TTYH3: variants seen among roughly 807,000 people sequenced by gnomAD.
TTYH3 encodes the protein tweety family member 3, also known as protein tweety homolog 3.
In TTYH3, 23 loss-of-function variants were observed where a neutral mutation model predicts 68.2. The observed-to-expected ratio is 0.34, with a 90% CI of 0.24 to 0.48. The LOEUF is 0.48. Ranked by LOEUF, TTYH3 falls within the 20% of genes least tolerant of loss-of-function variation. The pLI is 0.99. For synonymous variants in TTYH3, 360 were observed against 332.8 expected (o/e 1.08, Z -0.89); for missense variants, 768 against 727.7 (o/e 1.06, Z -0.64).
chr7:2,656,234 C>T (rs752583685), intron 10 of TTYH3, 50 bp downstream of exon 10: 8 of 1,548,180 alleles, frequency 5.2e-6, no homozygotes, highest in Non-Finnish European at 7.0e-6. Flanking sequence ...AGGGTGGGAA[C>T]AGGGGAGCAG....
At chr7:2,653,928 G>A (rs1786261593) in intron 9 of TTYH3, among the ~76,000 whole-genome samples, 1 of 152,176 alleles carries the variant, frequency 6.6e-6, no homozygotes, top group Non-Finnish European at 1.5e-5. Flanking sequence ...AAATCTCTTT[G>A]GAGGTGTTTG....
In TTYH3 at chr7:2,650,578, CA is replaced by C. The variant is rs966628743; in HGVS notation, c.871+601del. Among the ~76,000 whole-genome samples, 67 of 143,402 alleles carry C rather than the reference CA, an allele frequency of 4.7e-4. 1 individual carries two copies. The highest frequency in any genetic ancestry group is 7.0e-3 in the Middle Eastern group (2 of 286). 94.1% of individuals were successfully genotyped at this position (143,402 alleles called of 152,430 possible). A position where few individuals can be genotyped will look rare whatever the true frequency, so the allele number is the denominator to read the frequency against. Reference sequence around the variant, plus strand: ...GGGCAACAAGAGTGAAACTCCATCTCAAAAAAAAAAAGTAGAGCCAGAAGGA... The same window carrying C: ...GGGCAACAAGAGTGAAACTCCATCTCAAAAAAAAAAGTAGAGCCAGAAGGA... On this transcript the variant is annotated intron_variant, in intron 7 of 13. Coordinates refer to ENST00000258796, the MANE Select transcript of TTYH3 (RefSeq NM_025250.3).
At chr7:2,650,066 C>T (rs751133252) in intron 7 of TTYH3, 78 bp downstream of exon 7, 22 of 1,458,098 alleles carry the variant, frequency 1.5e-5, no homozygotes, top group East Asian at 4.6e-5. Flanking sequence ...TAGCTGAGGC[C>T]GAGACACCCC....
chr7:2,659,909 C>T, intron 13 of TTYH3: 1 of 1,294,668 alleles, frequency 7.7e-7, no homozygotes, highest in Non-Finnish European at 1.0e-6. Context: ...CTCTCTCTCT[C>T]TTGCACCCCA....
chr7:2,664,753 G>C lies in TTYH3; in HGVS notation c.*3014G>C, dbSNP rs923995818. The C allele has an allele frequency of 1.3e-5, 2 of 152,164 alleles. No individual in the cohort carries two copies. Among genetic ancestry groups the C allele is most frequent in the African/African-American group, 4.8e-5 (2 of 41,372 alleles). The allele number at this position is 152,164 out of a possible 1,614,324, so 9.4% of individuals were successfully genotyped here. A position where few individuals can be genotyped will look rare whatever the true frequency, so the allele number is the denominator to read the frequency against. On this transcript the variant is annotated 3_prime_UTR_variant, in exon 14 of 14. Coordinates refer to ENST00000258796, the MANE Select transcript of TTYH3 (RefSeq NM_025250.3). ...AAATCTCGTCAATGTAATTTCTGTG[G>C]TTTCTATTCAGCTTGGGTTTCATGT...
At chr7:2,648,248 C>T (rs1052765903) in intron 5 of TTYH3, 194 bp downstream of exon 5, 2 of 579,146 alleles carry the variant, frequency 3.5e-6, no homozygotes, top group Non-Finnish European at 6.1e-6. Context: ...CTGTGGCCAG[C>T]ATCCCAGCAC....
Position 2,661,870 on chromosome 7 carries a change from G to T in TTYH3, c.*131G>T, listed in dbSNP as rs532585847. ...CCTGCCCCAGACGCGTCTGCAGGCCGCTTGCCCTCCTGTCCCCTCCCCGCA... is the reference window on the plus strand; with the variant it reads ...CCTGCCCCAGACGCGTCTGCAGGCCTCTTGCCCTCCTGTCCCCTCCCCGCA... On this transcript the variant is annotated 3_prime_UTR_variant, in exon 14 of 14. Coordinates refer to ENST00000258796, the MANE Select transcript of TTYH3 (RefSeq NM_025250.3). 6.5e-5 allele frequency: 65 copies of T among 1,007,234 alleles called. 1 individual carries two copies. In the South Asian group the frequency reaches 7.6e-4, roughly 12 times the overall value. The allele number at this position is 1,007,234 out of a possible 1,614,324, so 62.4% of individuals were successfully genotyped here.
In TTYH3 at chr7:2,660,155, C is replaced by T. The variant is rs1786456142; in HGVS notation, c.1500+1140C>T. ...CTGAGCTGGGGCTCCATCTGTCCGG[C>T]TCCTGTTGGCAGGGCCAGCTCTGAG... On this transcript the variant is annotated intron_variant, in intron 13 of 13. Transcript: ENST00000258796. The T allele has an allele frequency of 5.9e-6, 7 of 1,185,440 alleles. No homozygotes were observed. The South Asian group carries it at 1.1e-4, about 19-fold the overall frequency. The allele number at this position is 1,185,440 out of a possible 1,614,324, so 73.4% of individuals were successfully genotyped here.
intron 7 of TTYH3, among the ~76,000 whole-genome samples, chr7:2,651,262 C>G (rs538998257): frequency 2.0e-5 from 3 of 152,270 alleles, no homozygotes; most frequent in Non-Finnish European, 4.4e-5. Context: ...ACCATCCTGC[C>G]ACCCTTTGTC....
Position 2,649,734 on chromosome 7 carries a change from C to T in TTYH3, c.795+95C>T, listed in dbSNP as rs573866013. The T allele has an allele frequency of 4.2e-5, 63 of 1,504,552 alleles. 1 individual carries two copies. The South Asian group carries it at 4.7e-4, about 11-fold the overall frequency. 93.2% of individuals were successfully genotyped at this position (1,504,552 alleles called of 1,614,324 possible). A position where few individuals can be genotyped will look rare whatever the true frequency, so the allele number is the denominator to read the frequency against. ...ACACTCCTCTCCCCTCCCATCTTCC[C>T]GGGCACTGGGTCCCGAGAGCGGTGG... is the stretch of plus-strand genomic sequence containing the variant. On this transcript the variant is annotated intron_variant, in intron 6 of 13. Transcript: ENST00000258796.
chr7:2,642,445 G>C (rs1438679504), intron 1 of TTYH3, among the ~76,000 whole-genome samples: 1 of 150,994 alleles, frequency 6.6e-6, no homozygotes, highest in Admixed American at 6.6e-5. Context: ...AGGAGGCTAA[G>C]GTAGGAGAAT....
In TTYH3 at chr7:2,656,449, A is replaced by G; in HGVS notation, c.1165A>G (p.Ile389Val). The change falls in exon 11 of 14, where the codon ATC (isoleucine) becomes GTC (valine). Residue 389 changes from isoleucine to valine, a missense_variant. Physicochemically the swap from Ile to Val is conservative, Grantham distance 29. Coordinates refer to ENST00000258796, the MANE Select transcript of TTYH3 (RefSeq NM_025250.3). The part of the protein sequence containing the change: ...GFCYDGVEGL[I>V]YLALFSFVTA... Reference sequence around the variant, plus strand: ...CTGCTATGACGGCGTGGAGGGCCTCATCTACCTGGCCCTCTTCTCCTTCGT... The same window carrying G: ...CTGCTATGACGGCGTGGAGGGCCTCGTCTACCTGGCCCTCTTCTCCTTCGT... 2 of 1,612,012 alleles carry G rather than the reference A, an allele frequency of 1.2e-6. No individual in the cohort carries two copies. The highest frequency in any genetic ancestry group is 1.7e-6 in the Non-Finnish European group (2 of 1,179,786).
At chr7:2,638,678 G>T (rs905429437) in intron 1 of TTYH3, among the ~76,000 whole-genome samples, 1 of 152,198 alleles carries the variant, frequency 6.6e-6, no homozygotes, top group Non-Finnish European at 1.5e-5. Flanking sequence ...GGAGCTCACC[G>T]TCATGGAATG....
In TTYH3 at chr7:2,658,336, C is replaced by T. The variant is rs746986944; in HGVS notation, c.1301C>T (p.Ala434Val). The change falls in exon 12 of 14, where the codon GCG (alanine) becomes GTG (valine). Residue 434 changes from alanine (A) to valine (V), a missense_variant. By Grantham distance (64) the Ala-to-Val change is moderately conservative. Coordinates refer to ENST00000258796, the MANE Select transcript of TTYH3 (RefSeq NM_025250.3). ...EEEAAPGPRQ[A>V]HDSLYRVHMP... ...GAGGCCGCTCCAGGGCCGCGGCAGG[C>T]GCACGACAGCCTCTACCGCGTCCAC... 1.4e-4 allele frequency: 228 copies of T among 1,604,708 alleles called. 3 individuals are homozygous for T. The East Asian group carries it at 4.3e-3, about 30-fold the overall frequency.
At position 2,649,936 on chromosome 7, in the gene TTYH3, C is replaced by T. The variant is rs1267077534; in HGVS notation, c.819C>T (p.Asp273=). The T allele has an allele frequency of 6.2e-7, 1 of 1,613,988 alleles. No homozygotes were observed. The highest frequency in any genetic ancestry group is 1.1e-5 in the South Asian group (1 of 91,082). Residue 273 remains aspartate, a synonymous_variant, in exon 7 of 14, where the codon GAC becomes GAT. Transcript: ENST00000258796. ...VSVGSSDFCV[D]PDAYVTKMVE... ...AGGGCTCCAGCGACTTCTGTGTGGA[C>T]CCTGACGCCTACGTGACCAAAATGG... is the stretch of plus-strand genomic sequence containing the variant.
intron 1 of TTYH3, among the ~76,000 whole-genome samples, 167 bp downstream of exon 1, chr7:2,632,445 G>A (rs998371923): frequency 3.2e-4 from 49 of 151,952 alleles, no homozygotes; most frequent in Middle Eastern, 3.4e-3. Context: ...CTTCTCGAGG[G>A]TCCCTTCTGA....
chr7:2,659,911 T>C (rs751764535), intron 13 of TTYH3: 203 of 1,292,784 alleles, frequency 1.6e-4, no homozygotes, highest in Non-Finnish European at 2.0e-4. Context: ...CTCTCTCTCT[T>C]GCACCCCACC....
Position 2,647,250 on chromosome 7 carries a change from C to G in TTYH3, c.402C>G (p.Asp134Glu). 6.3e-7 allele frequency: 1 copy of G among 1,585,304 alleles called. No homozygotes were observed. Among genetic ancestry groups the G allele is most frequent in the East Asian group, 2.3e-5 (1 of 44,014 alleles). Residue 134 changes from aspartate to glutamate, a missense_variant, in exon 3 of 14, where the codon GAC (aspartate) becomes GAG (glutamate). Coordinates refer to ENST00000258796, the MANE Select transcript of TTYH3 (RefSeq NM_025250.3). ...ACCGCACGGTGGCCGGGGTCCAGGA[C>G]CGCGTGAGTGGCCGCGGAGTTGGGG... ...HANRTVAGVQDRVWDTAVGLN... is the reference protein window; with the variant it reads ...HANRTVAGVQERVWDTAVGLN...
At chr7:2,639,069 ACTGGGG>A (rs1294262733) in intron 1 of TTYH3, among the ~76,000 whole-genome samples, 1 of 152,062 alleles carries the variant, frequency 6.6e-6, no homozygotes, top group Non-Finnish European at 1.5e-5. Flanking sequence ...CTCGGTCTGC[ACTGGGG>A]TGTGGGACCC....
Sources: gnomAD v4.1 joint callset for allele counts (sites outside exome capture counted in the v4.1 genomes callset) on GRCh38, gnomAD v4.1.1 for gene constraint, MANE v1.5 for transcripts, NCBI Gene and HGNC (gene_info 2026-07-23, HGNC 2026-07-21) for gene names.